Variants in PRXL2B observed in about 807,000 individuals in gnomAD.
The protein encoded by PRXL2B is prostamide/prostaglandin F synthase.
In PRXL2B, 26 loss-of-function variants were observed where a neutral mutation model predicts 24.4. That is an observed-to-expected ratio of 1.07 (90% CI 0.78 to 1.48). The LOEUF (loss-of-function observed/expected upper bound fraction) is 1.48, where lower values mean the gene tolerates loss of function less well. PRXL2B is among the 40% of genes most tolerant of loss of function. The probability of loss-of-function intolerance (pLI) is 0.00; values close to 1 mark genes in which losing one functional copy is unlikely to be tolerated. For missense variants in PRXL2B, 269 were observed against 264.8 expected (o/e 1.02, Z -0.11); for synonymous variants, 115 against 118.9 (o/e 0.97, Z 0.21).
At chr1:2,586,577 G>A, upstream of PRXL2B, 1 of 483,102 alleles carries the variant, frequency 2.1e-6, no homozygotes, top group Non-Finnish European at 3.2e-6. Context: ...CCGCGATCTC[G>A]AGGCTTGGCC....
At chr1:2,589,382 G>A in intron 6 of PRXL2B, 28 bp from the exon 7 acceptor site, 1 of 1,611,950 alleles carries the variant, frequency 6.2e-7, no homozygotes, top group Non-Finnish European at 8.5e-7. Flanking sequence ...GTGTCCAGCG[G>A]CCCCATGGGA....
chr1:2,588,452 A>C lies in PRXL2B; in HGVS notation c.383A>C (p.Lys128Thr). Residue 128 changes from lysine (K) to threonine (T), a missense_variant and splice_region_variant, in exon 4 of 7, where the codon AAG becomes ACG. Coordinates refer to ENST00000419916, the MANE Select transcript of PRXL2B (RefSeq NM_152371.5). The part of the protein sequence containing the change: ...LGKPVRDVAA[K>T]AKAVGIQGNL... ...AAGCCCGTGCGTGATGTGGCTGCCA[A>C]GGTGTGTGCGGGTCAAGGGTGTACA... The C allele has an allele frequency of 6.2e-7, 1 of 1,613,246 alleles. No individual in the cohort carries two copies. Among genetic ancestry groups the C allele is most frequent in the South Asian group, 1.1e-5 (1 of 91,080 alleles).
Position 2,587,445 on chromosome 1 carries a change from C to A in PRXL2B, c.268+150C>A. The A allele has an allele frequency of 4.1e-6, 4 of 986,280 alleles. No homozygotes were observed. Among genetic ancestry groups the A allele is most frequent in the South Asian group, 3.0e-5 (2 of 67,270 alleles). 61.1% of individuals were successfully genotyped at this position (986,280 alleles called of 1,614,324 possible). On this transcript the variant is annotated intron_variant, in intron 2 of 6. Coordinates refer to ENST00000419916, the MANE Select transcript of PRXL2B (RefSeq NM_152371.5). The surrounding 1 kb of genome is among the most constrained non-coding windows in gnomAD (Gnocchi z 6.1). ...AGCGTCCCTCATCTCTCCCTGCCTC[C>A]CCGCCCCGCAGCTGGTGGCTGGGTG...
Position 2,589,426 on chromosome 1 carries a change from G to A in PRXL2B, c.596G>A (p.Ter199=), listed in dbSNP as rs779243269. ...SDPPQCDREV[*] ...TCCCCACAGTGTGACAGAGAGGTGT[G>A]AGGGAGGCGAAGGCCCTGGCCTCCG... The change falls in exon 7 of 7, where the codon TGA becomes TAA. Residue 199 remains the stop codon, a stop_retained_variant. Transcript: ENST00000419916. 12 of 1,613,806 alleles carry A rather than the reference G, an allele frequency of 7.4e-6. No individual in the cohort carries two copies. The highest frequency in any genetic ancestry group is 9.3e-6 in the Non-Finnish European group (11 of 1,179,910).
At position 2,590,902 on chromosome 1, in the gene PRXL2B, G is replaced by A. The variant is rs1272043904; in HGVS notation, c.*1475G>A. ...TTGGCATGGTTGGCCGGGGCGGGAC[G>A]TACACTGGGTCGCCGCTAGCTGCAC... On this transcript the variant is annotated 3_prime_UTR_variant, in exon 7 of 7. Coordinates refer to ENST00000419916, the MANE Select transcript of PRXL2B (RefSeq NM_152371.5). The A allele has an allele frequency of 2.4e-5, 26 of 1,084,438 alleles. No homozygotes were observed. Among genetic ancestry groups the A allele is most frequent in the Non-Finnish European group, 2.8e-5 (23 of 818,232 alleles). 67.2% of individuals were successfully genotyped at this position (1,084,438 alleles called of 1,614,324 possible).
intron 3 of PRXL2B, among the ~76,000 whole-genome samples, chr1:2,588,147 T>G (rs949145751): frequency 6.6e-6 from 1 of 152,162 alleles, no homozygotes; most frequent in African/African-American, 2.4e-5. Context: ...ACACCCAGCC[T>G]GGGGCCCCAT....
At chr1:2,588,763 G>C (rs1026797147) in intron 5 of PRXL2B, 138 bp downstream of exon 5, 1 of 1,211,508 alleles carries the variant, frequency 8.3e-7, no homozygotes, top group African/African-American at 1.5e-5. Flanking sequence ...CTGCGTGTCT[G>C]CTGGGCTGAG....
Position 2,587,207 on chromosome 1 carries a change from C to A in PRXL2B, c.180C>A (p.Leu60=). The A allele has an allele frequency of 6.4e-7, 1 of 1,569,446 alleles. No homozygotes were observed. Among genetic ancestry groups the A allele is most frequent in the Non-Finnish European group, 8.6e-7 (1 of 1,164,186 alleles). Residue 60 remains leucine, a synonymous_variant, in exon 2 of 7, where the codon CTC becomes CTA. Transcript: ENST00000419916. This position sits in a 1 kb window ranked among gnomAD's most constrained non-coding sequence, Gnocchi z 6.1. ...IAQDLSSLAG[L]LDQHGVRLVG... Reference sequence around the variant, plus strand: ...AGGACCTCAGCAGCCTTGCTGGGCTCCTGGACCAACACGGCGTGCGCCTGG... The same window carrying A: ...AGGACCTCAGCAGCCTTGCTGGGCTACTGGACCAACACGGCGTGCGCCTGG...
At position 2,587,434 on chromosome 1, in the gene PRXL2B, C is replaced by G; in HGVS notation, c.268+139C>G. ...GCCCACGGGTCAGCGTCCCTCATCT[C>G]TCCCTGCCTCCCCGCCCCGCAGCTG... On this transcript the variant is annotated intron_variant, in intron 2 of 6. Coordinates refer to ENST00000419916, the MANE Select transcript of PRXL2B (RefSeq NM_152371.5). This position sits in a 1 kb window ranked among gnomAD's most constrained non-coding sequence, Gnocchi z 6.1. 9.9e-7 allele frequency: 1 copy of G among 1,010,118 alleles called. No individual in the cohort carries two copies. Among genetic ancestry groups the G allele is most frequent in the East Asian group, 2.6e-5 (1 of 38,300 alleles). The allele number at this position is 1,010,118 out of a possible 1,614,324, so 62.6% of individuals were successfully genotyped here. A position where few individuals can be genotyped will look rare whatever the true frequency, so the allele number is the denominator to read the frequency against.
intron 5 of PRXL2B, 145 bp downstream of exon 5, chr1:2,588,770 T>C: frequency 8.4e-7 from 1 of 1,188,640 alleles, no homozygotes; most frequent in South Asian, 1.3e-5. Flanking sequence ...TCTGCTGGGC[T>C]GAGTGGGGCT....
Position 2,587,436 on chromosome 1 carries a change from C to T in PRXL2B, c.268+141C>T, listed in dbSNP as rs1644552200. ...CCACGGGTCAGCGTCCCTCATCTCT[C>T]CCTGCCTCCCCGCCCCGCAGCTGGT... On this transcript the variant is annotated intron_variant, in intron 2 of 6. Transcript: ENST00000419916. The surrounding 1 kb of genome is among the most constrained non-coding windows in gnomAD (Gnocchi z 6.1). 4 of 1,007,168 alleles carry T rather than the reference C, an allele frequency of 4.0e-6. No homozygotes were observed. The highest frequency in any genetic ancestry group is 3.2e-5 in the African/African-American group (2 of 61,762). 62.4% of individuals were successfully genotyped at this position (1,007,168 alleles called of 1,614,324 possible). A position where few individuals can be genotyped will look rare whatever the true frequency, so the allele number is the denominator to read the frequency against.
In PRXL2B at chr1:2,591,457, T is replaced by C; in HGVS notation, c.*2030T>C. 2 of 976,748 alleles carry C rather than the reference T, an allele frequency of 2.0e-6. No homozygotes were observed. Among genetic ancestry groups the C allele is most frequent in the Non-Finnish European group, 3.3e-6 (2 of 610,094 alleles). The allele number at this position is 976,748 out of a possible 1,614,324, so 60.5% of individuals were successfully genotyped here. A position where few individuals can be genotyped will look rare whatever the true frequency, so the allele number is the denominator to read the frequency against. ...GGTTTATTCCCAAAATAAACCTGTCTCTGTTGAGCCACTTTTTGTGCTTTC... is the reference window on the plus strand; with the variant it reads ...GGTTTATTCCCAAAATAAACCTGTCCCTGTTGAGCCACTTTTTGTGCTTTC... On this transcript the variant is annotated 3_prime_UTR_variant, in exon 7 of 7. Transcript: ENST00000419916.
intron 6 of PRXL2B, 62 bp downstream of exon 6, chr1:2,589,102 G>A (rs1644610261): frequency 6.7e-7 from 1 of 1,491,140 alleles, no homozygotes; most frequent in Non-Finnish European, 9.3e-7. Flanking sequence ...TCCCCTGGGA[G>A]GAGCACTCGG....
rs1333318228 is a variant in PRXL2B, at chr1:2,587,278, G to T, written c.251G>T (p.Gly84Val). 8.3e-6 allele frequency: 13 copies of T among 1,571,892 alleles called. No homozygotes were observed. The highest frequency in any genetic ancestry group is 1.0e-5 in the Non-Finnish European group (12 of 1,165,118). ...EALGLQEFLD[G>V]DYFAGELYLD... The stretch of plus-strand genomic sequence containing the variant: ...CTGGGTCTGCAGGAGTTCCTGGACG[G>T]CGACTACTTCGCGGGAGGTGCGTCC... The change falls in exon 2 of 7, where the codon GGC becomes GTC. Residue 84 changes from glycine (G) to valine (V), a missense_variant. Physicochemically the swap from Gly to Val is moderately radical, Grantham distance 109 (BLOSUM62 -3). Transcript: ENST00000419916. This position sits in a 1 kb window ranked among gnomAD's most constrained non-coding sequence, Gnocchi z 6.1.
chr1:2,587,162 G>T lies in PRXL2B; in HGVS notation c.135G>T (p.Val45=). The change falls in exon 2 of 7, where the codon GTG becomes GTT. Residue 45 remains valine, a synonymous_variant. Coordinates refer to ENST00000419916, the MANE Select transcript of PRXL2B (RefSeq NM_152371.5). This position sits in a 1 kb window ranked among gnomAD's most constrained non-coding sequence, Gnocchi z 6.1. ...VVAGLRRFGC[V]VCRWIAQDLS... is the part of the protein sequence containing the mutation. ...CCGGGCTGCGGCGCTTCGGGTGCGT[G>T]GTGTGCCGCTGGATCGCCCAGGACC... The T allele has an allele frequency of 6.4e-7, 1 of 1,551,714 alleles. No homozygotes were observed. The highest frequency in any genetic ancestry group is 2.4e-5 in the East Asian group (1 of 41,784).
Position 2,591,301 on chromosome 1 carries a change from A to G in PRXL2B, c.*1874A>G. The stretch of plus-strand genomic sequence containing the variant: ...CTCCCCTCCAGCCAGAGATATTCCA[A>G]CTCTGCAATAAAACTCTCCTTCACA... On this transcript the variant is annotated 3_prime_UTR_variant, in exon 7 of 7. Transcript: ENST00000419916. 2 of 597,032 alleles carry G rather than the reference A, an allele frequency of 3.3e-6. No individual in the cohort carries two copies. Among genetic ancestry groups the G allele is most frequent in the South Asian group, 2.1e-5 (1 of 48,776 alleles). 37.0% of individuals were successfully genotyped at this position (597,032 alleles called of 1,614,324 possible).
Position 2,587,639 on chromosome 1 carries a change from A to T in PRXL2B, c.269-102A>T. On this transcript the variant is annotated intron_variant, in intron 2 of 6. Coordinates refer to ENST00000419916, the MANE Select transcript of PRXL2B (RefSeq NM_152371.5). This position sits in a 1 kb window ranked among gnomAD's most constrained non-coding sequence, Gnocchi z 6.1. ...GGTGGGCTGAGCACGGAGGGTGGGC[A>T]GAGGAACAGAGGGTCGGAAGGAGGA... 1 of 1,356,094 alleles carries T rather than the reference A, an allele frequency of 7.4e-7. No individual in the cohort carries two copies. Among genetic ancestry groups the T allele is most frequent in the Non-Finnish European group, 1.0e-6 (1 of 970,700 alleles). The allele number at this position is 1,356,094 out of a possible 1,614,324, so 84.0% of individuals were successfully genotyped here.
rs947396396 is a variant in PRXL2B, at chr1:2,591,169, A to G, written c.*1742A>G. ...CATTTTAAGTTCTCCGTGATTAAAA[A>G]CCAGCCCAAAACATCAGCCTAATGG... On this transcript the variant is annotated 3_prime_UTR_variant, in exon 7 of 7. Coordinates refer to ENST00000419916, the MANE Select transcript of PRXL2B (RefSeq NM_152371.5). 44 of 1,007,868 alleles carry G rather than the reference A, an allele frequency of 4.4e-5. No homozygotes were observed. The highest frequency in any genetic ancestry group is 2.6e-4 in the Admixed American group (9 of 35,132). 62.4% of individuals were successfully genotyped at this position (1,007,868 alleles called of 1,614,324 possible).
Position 2,589,819 on chromosome 1 carries a change from A to T in PRXL2B, c.*392A>T. On this transcript the variant is annotated 3_prime_UTR_variant, in exon 7 of 7. Coordinates refer to ENST00000419916, the MANE Select transcript of PRXL2B (RefSeq NM_152371.5). ...AGACCCAAGCCCACGTCAGGAGAGG[A>T]GCGTGGGGTCAGCTCCAGCAGGGTC... is the stretch of plus-strand genomic sequence containing the variant. The T allele has an allele frequency of 3.7e-6, 1 of 272,440 alleles. No homozygotes were observed. The highest frequency in any genetic ancestry group is 7.0e-6 in the Non-Finnish European group (1 of 143,332). 16.9% of individuals were successfully genotyped at this position (272,440 alleles called of 1,614,324 possible).
Sources: gnomAD v4.1 joint callset for allele counts (sites outside exome capture counted in the v4.1 genomes callset) on GRCh38, gnomAD v4.1.1 for gene constraint, Gnocchi (gnomAD v3.1) non-coding constraint, MANE v1.5 for transcripts, NCBI Gene and HGNC (gene_info 2026-07-23, HGNC 2026-07-21) for gene names.